Variants in LITAF observed in about 807,000 individuals in gnomAD.
LITAF encodes lipopolysaccharide-induced tumor necrosis factor-alpha factor.
LITAF carries 9 observed loss-of-function variants against 14.5 expected under a neutral mutation model. The observed-to-expected ratio is 0.62, with a 90% CI of 0.37 to 1.08. The LOEUF is 1.08. Ranked by LOEUF, LITAF falls within the 50% of genes least tolerant of loss-of-function variation. The pLI, the probability that LITAF is intolerant of heterozygous loss-of-function variation, is 0.01. For missense variants in LITAF, 206 were observed against 213.4 expected, an observed-to-expected ratio of 0.97 and a Z score of 0.22; for synonymous variants, 98 against 88.2, an observed-to-expected ratio of 1.11 and a Z score of -0.62.
intron 1 of LITAF, among the ~76,000 whole-genome samples, chr16:11,572,773 A>G (rs2064565096): frequency 6.6e-6 from 1 of 152,190 alleles, no homozygotes; most frequent in South Asian, 2.1e-4. Flanking sequence ...AGTTGGAAAA[A>G]CTGGTGATGT....
chr16:11,595,247 G>A (rs1379249668), intron 1 of LITAF, among the ~76,000 whole-genome samples: 1 of 152,192 alleles, frequency 6.6e-6, no homozygotes, highest in Non-Finnish European at 1.5e-5. Context: ...ATGCAGATGG[G>A]GAGCCTGAGG....
chr16:11,610,211 G>A (rs1365454955), intron 3 of LITAF, among the ~76,000 whole-genome samples: 1 of 152,230 alleles, frequency 6.6e-6, no homozygotes, highest in African/African-American at 2.4e-5. Context: ...TGGCCCCTCA[G>A]AAACCTGTCC....
chr16:11,600,661 C>T (rs2064921208), upstream of LITAF, among the ~76,000 whole-genome samples: 1 of 152,022 alleles, frequency 6.6e-6, no homozygotes, highest in Non-Finnish European at 1.5e-5. The surrounding 1 kb of genome is among the most constrained non-coding windows in gnomAD (Gnocchi z 4.1). Context: ...TGAGTGGTGT[C>T]TTCATTTTAA....
intron 1 of LITAF, among the ~76,000 whole-genome samples, chr16:11,578,353 T>C (rs1225556082): frequency 1.3e-5 from 2 of 151,864 alleles, no homozygotes; most frequent in East Asian, 3.9e-4. Context: ...AGGTCGGGAG[T>C]TCGAGACCAG....
At chr16:11,588,024 C>G (rs2064825242), upstream of LITAF, among the ~76,000 whole-genome samples, 8 of 152,112 alleles carry the variant, frequency 5.3e-5, no homozygotes, top group Admixed American at 5.2e-4. Context: ...TGGCTTGTCC[C>G]GGGTCCCTCA....
At position 11,586,772 on chromosome 16, in the gene LITAF, A is replaced by T. The variant is rs2141843274; in HGVS notation, c.-6+114T>A. ...CCCGACCCGCGCCCCCTGGCATCCC[A>T]GGAGGCCCCAGCCAAGGGCTCAGTG... On this transcript the variant is annotated intron_variant, in intron 1 of 3. Transcript: ENST00000622633. This position sits in a 1 kb window ranked among gnomAD's most constrained non-coding sequence, Gnocchi z 6.5. The T allele has an allele frequency of 6.6e-6, 1 of 151,210 alleles. No individual in the cohort carries two copies. The highest frequency in any genetic ancestry group is 2.0e-4 in the East Asian group (1 of 5,040). The allele number at this position is 151,210 out of a possible 1,614,324, so 9.4% of individuals were successfully genotyped here.
rs1597357524 is a variant in LITAF at position 11,582,311 on chromosome 16, T to C, written c.-6+4575A>G. Among the ~76,000 whole-genome samples the C allele has an allele frequency of 9.4e-5, 11 of 116,528 alleles. No homozygotes were observed. In the Admixed American group the frequency reaches 1.0e-3, roughly 11 times the overall value. The allele number at this position is 116,528 out of a possible 152,430, so 76.4% of individuals were successfully genotyped here. ...AGATATAGTGAAATATCTATTTCAC[T>C]CACAACGGAAAAAAAAAAAAAAAAA... On this transcript the variant is annotated intron_variant, in intron 1 of 3. Transcript: ENST00000622633.
At chr16:11,559,998 AAAAT>A (rs751296699) in intron 1 of LITAF, among the ~76,000 whole-genome samples, 12 of 151,968 alleles carry the variant, frequency 7.9e-5, no homozygotes, top group Non-Finnish European at 1.8e-4. Context: ...AAATAAAAAC[AAAAT>A]AAATAAAAAA....
At chr16:11,575,759 T>A (rs1222475869) in intron 1 of LITAF, among the ~76,000 whole-genome samples, 1 of 152,142 alleles carries the variant, frequency 6.6e-6, no homozygotes, top group African/African-American at 2.4e-5. Flanking sequence ...AAAACCAAGT[T>A]GAAACACAGC....
Position 11,548,064 on chromosome 16 carries a change from T to C in LITAF, c.*1573A>G, listed in dbSNP as rs1359988799. 2 of 454,002 alleles carry C rather than the reference T, an allele frequency of 4.4e-6. No individual in the cohort carries two copies. Among genetic ancestry groups the C allele is most frequent in the African/African-American group, 2.0e-5 (1 of 49,998 alleles). 28.1% of individuals were successfully genotyped at this position (454,002 alleles called of 1,614,324 possible). On this transcript the variant is annotated 3_prime_UTR_variant, in exon 4 of 4. Transcript: ENST00000622633. ...ACACCAAAGTACTATGTGGTATCCA[T>C]ATTCGTTGCAAAAATGATAATTACT...
chr16:11,580,409 C>T (rs184806825), intron 1 of LITAF, among the ~76,000 whole-genome samples: 99 of 152,250 alleles, frequency 6.5e-4, no homozygotes, highest in African/African-American at 2.1e-3. Context: ...AGATGCCCAC[C>T]ACCACACCCG....
At chr16:11,614,763 T>C (rs2065006713) in intron 3 of LITAF, among the ~76,000 whole-genome samples, 1 of 152,238 alleles carries the variant, frequency 6.6e-6, no homozygotes, top group South Asian at 2.1e-4. Flanking sequence ...GTGCCCGGAC[T>C]GTTTTCACCT....
At chr16:11,607,441 T>C (rs1264973551) in intron 3 of LITAF, among the ~76,000 whole-genome samples, 1 of 152,224 alleles carries the variant, frequency 6.6e-6, no homozygotes, top group African/African-American at 2.4e-5. Context: ...AGTGAGAATC[T>C]TGAAATTAAT....
intron 3 of LITAF, among the ~76,000 whole-genome samples, chr16:11,550,725 G>C (rs1261683396): frequency 6.6e-6 from 1 of 151,736 alleles, no homozygotes; most frequent in Non-Finnish European, 1.5e-5. Flanking sequence ...TGAACTGCTG[G>C]CCTCAAGTGA....
At chr16:11,569,561 G>A (rs1038798044) in intron 1 of LITAF, among the ~76,000 whole-genome samples, 4 of 152,134 alleles carry the variant, frequency 2.6e-5, no homozygotes, top group Non-Finnish European at 5.9e-5. Flanking sequence ...ACACCTCTGT[G>A]TGTCCCCCTG....
At chr16:11,563,313 T>TA (rs1178826067) in intron 1 of LITAF, among the ~76,000 whole-genome samples, 1 of 152,134 alleles carries the variant, frequency 6.6e-6, no homozygotes, top group Non-Finnish European at 1.5e-5. Flanking sequence ...CACGCCCAGC[T>TA]AATTTTTGTA....
Position 11,548,872 on chromosome 16 carries a change from A to C in LITAF, c.*765T>G, listed in dbSNP as rs2141677787. 3 of 453,944 alleles carry C rather than the reference A, an allele frequency of 6.6e-6. No homozygotes were observed. In the Admixed American group the frequency reaches 7.0e-5, roughly 11 times the overall value. 28.1% of individuals were successfully genotyped at this position (453,944 alleles called of 1,614,324 possible). On this transcript the variant is annotated 3_prime_UTR_variant, in exon 4 of 4. Coordinates refer to ENST00000622633, the MANE Select transcript of LITAF (RefSeq NM_001136472.2). ...ATTTCAGACCAAAAGGAGGTCATAA[A>C]AACTGTTCATATAATTACTCTATGA...
rs1301696018 is a variant in LITAF, at chr16:11,548,884, T to C, written c.*753A>G. 2.2e-6 allele frequency: 1 copy of C among 453,760 alleles called. No homozygotes were observed. Among genetic ancestry groups the C allele is most frequent in the East Asian group, 7.0e-5 (1 of 14,388 alleles). 28.1% of individuals were successfully genotyped at this position (453,760 alleles called of 1,614,324 possible). ...AAGGAGGTCATAAAAACTGTTCATA[T>C]AATTACTCTATGAGAAAAAAATCCC... On this transcript the variant is annotated 3_prime_UTR_variant, in exon 4 of 4. Transcript: ENST00000622633.
chr16:11,613,667 G>C (rs1053066518), intron 3 of LITAF, among the ~76,000 whole-genome samples: 12 of 152,232 alleles, frequency 7.9e-5, no homozygotes, highest in African/African-American at 1.7e-4. Context: ...GCCAGAGTTA[G>C]GTGGGAGAGG....
Sources: gnomAD v4.1 joint callset for allele counts (sites outside exome capture counted in the v4.1 genomes callset) on GRCh38, gnomAD v4.1.1 for gene constraint, Gnocchi (gnomAD v3.1) non-coding constraint, MANE v1.5 for transcripts, NCBI Gene and HGNC (gene_info 2026-07-23, HGNC 2026-07-21) for gene names.